Variants in RAPGEF6 observed in about 807,000 individuals in gnomAD.
The protein encoded by RAPGEF6 is Rap guanine nucleotide exchange factor 6, also known as PDZ domain containing guanine nucleotide exchange factor (GEF) 2.
A neutral mutation model predicts 171.4 loss-of-function variants in RAPGEF6; 56 were observed. The observed-to-expected ratio is 0.33, with a 90% confidence interval of 0.26 to 0.41. The LOEUF (loss-of-function observed/expected upper bound fraction) is 0.41. RAPGEF6 is among the 10% of genes least tolerant of loss of function. The pLI is 1.00. For synonymous variants in RAPGEF6, 692 were observed against 650.1 expected (o/e 1.06, Z -0.98); for missense variants, 1,674 against 1,921.4 (o/e 0.87, Z 2.41).
At chr5:131,456,142 A>G (rs988097681) in intron 19 of RAPGEF6, 130 bp from the exon 20 acceptor site, 1 of 627,678 alleles carries the variant, frequency 1.6e-6, no homozygotes, top group Non-Finnish European at 2.7e-6. Flanking sequence ...ATTGAAATAA[A>G]CAAGAGAAAA....
At chr5:131,515,950 G>C (rs1285754738) in intron 7 of RAPGEF6, among the ~76,000 whole-genome samples, 1 of 150,710 alleles carries the variant, frequency 6.6e-6, no homozygotes, top group Non-Finnish European at 1.5e-5. Flanking sequence ...TTAAATACAA[G>C]AGTAATTAAA....
intron 3 of RAPGEF6, among the ~76,000 whole-genome samples, chr5:131,602,671 G>C (rs1561598298): frequency 6.6e-6 from 1 of 152,136 alleles, no homozygotes; most frequent in Non-Finnish European, 1.5e-5. Flanking sequence ...TGAGGCACCA[G>C]AATCACTTGA....
chr5:131,554,530 C>CT (rs936020236), intron 5 of RAPGEF6, among the ~76,000 whole-genome samples: 1 of 152,050 alleles, frequency 6.6e-6, no homozygotes, highest in African/African-American at 2.4e-5. Context: ...AATAGGTTTT[C>CT]TTTTTTTGAG....
chr5:131,598,717 G>A (rs1764051052), intron 3 of RAPGEF6, among the ~76,000 whole-genome samples: 1 of 152,200 alleles, frequency 6.6e-6, no homozygotes, highest in South Asian at 2.1e-4. Flanking sequence ...ACACTGCTGT[G>A]AAGAATTAAA....
chr5:131,427,104 A>T lies in RAPGEF6; in HGVS notation c.*162T>A. 1.4e-6 allele frequency: 1 copy of T among 710,300 alleles called. No homozygotes were observed. 44.0% of individuals were successfully genotyped at this position (710,300 alleles called of 1,614,324 possible). A position where few individuals can be genotyped will look rare whatever the true frequency, so the allele number is the denominator to read the frequency against. ...TATCTGCAGAAATTAAATGAAAGGAAGCATAACTCAGGTCTATTTCATTGC... is the reference window on the plus strand; with the variant it reads ...TATCTGCAGAAATTAAATGAAAGGATGCATAACTCAGGTCTATTTCATTGC... On this transcript the variant is annotated 3_prime_UTR_variant, in exon 28 of 28. Coordinates refer to ENST00000509018, the MANE Select transcript of RAPGEF6 (RefSeq NM_016340.6).
chr5:131,634,813 G>A lies in RAPGEF6; in HGVS notation c.69+149C>T, dbSNP rs1322995328. 7 of 931,690 alleles carry A rather than the reference G, an allele frequency of 7.5e-6. No individual in the cohort carries two copies. The Admixed American group carries it at 1.4e-4, about 19-fold the overall frequency. The allele number at this position is 931,690 out of a possible 1,614,324, so 57.7% of individuals were successfully genotyped here. On this transcript the variant is annotated intron_variant, in intron 1 of 27. Coordinates refer to ENST00000509018, the MANE Select transcript of RAPGEF6 (RefSeq NM_016340.6). ...CGGTCGGCACCCTGCTGGCGACAAG[G>A]GCCTGGGTCAGGGAAGAGACTCAAG...
intron 11 of RAPGEF6, among the ~76,000 whole-genome samples, chr5:131,500,427 G>A (rs1326698660): frequency 1.3e-5 from 2 of 152,134 alleles, no homozygotes; most frequent in African/African-American, 4.8e-5. Context: ...GATGGGAACT[G>A]TTCAACATGT....
intron 17 of RAPGEF6, among the ~76,000 whole-genome samples, chr5:131,469,363 A>G (rs568434845): frequency 6.6e-6 from 1 of 152,242 alleles, no homozygotes; most frequent in East Asian, 1.9e-4. Flanking sequence ...TTAAAAACTA[A>G]TAATAAAAAA....
chr5:131,623,468 T>C (rs1765711492), intron 1 of RAPGEF6, among the ~76,000 whole-genome samples: 2 of 150,752 alleles, frequency 1.3e-5, no homozygotes. Flanking sequence ...AACAGTATTT[T>C]TCACATTGCT....
intron 7 of RAPGEF6, among the ~76,000 whole-genome samples, chr5:131,516,408 A>G (rs1758088164): frequency 2.0e-5 from 3 of 152,176 alleles, no homozygotes; most frequent in Admixed American, 2.0e-4. Flanking sequence ...TGAGTTGACA[A>G]AAGAACATAC....
intron 26 of RAPGEF6, 129 bp from the exon 27 acceptor site, chr5:131,429,345 T>C (rs1314396041): frequency 2.2e-5 from 18 of 800,886 alleles, no homozygotes; most frequent in Non-Finnish European, 3.1e-5. Context: ...ACTTGAATGA[T>C]GGCAGATCAA....
intron 24 of RAPGEF6, among the ~76,000 whole-genome samples, chr5:131,437,823 A>G (rs1752109938): frequency 6.6e-6 from 1 of 152,244 alleles, no homozygotes; most frequent in African/African-American, 2.4e-5. Flanking sequence ...GTGGCCGCAG[A>G]GAAAGAAAAG....
intron 27 of RAPGEF6, among the ~76,000 whole-genome samples, chr5:131,427,772 T>C (rs1489456813): frequency 3.9e-5 from 6 of 152,304 alleles, no homozygotes; most frequent in South Asian, 4.1e-4. Context: ...CACAGGGTAC[T>C]AGGCACACAG....
Position 131,603,308 on chromosome 5 carries a change from G to A in RAPGEF6, c.160C>T (p.Arg54Cys), listed in dbSNP as rs745717258. The A allele has an allele frequency of 1.3e-6, 2 of 1,571,684 alleles. No individual in the cohort carries two copies. The highest frequency in any genetic ancestry group is 2.5e-5 in the South Asian group (2 of 80,738). ...TGATTGCCACTGTATCTCTCATAGC[G>A]TGCTCTTGCAGACATTAATCTATTA... ...HQLRLMSARA[R>C]YERYSGNQVL... Residue 54 changes from arginine (R) to cysteine (C), a missense_variant, in exon 3 of 28, where the codon CGC becomes TGC. Arg to Cys is a radical substitution (Grantham distance 180). This residue lies in a region of RAPGEF6 where 1,116 missense variants were observed against 1,321.5 expected (regional missense o/e 0.84). Coordinates refer to ENST00000509018, the MANE Select transcript of RAPGEF6 (RefSeq NM_016340.6).
At chr5:131,447,369 T>C (rs1481014500) in intron 21 of RAPGEF6, 1 of 152,280 alleles carries the variant, frequency 6.6e-6, no homozygotes, top group East Asian at 1.9e-4. Context: ...ATTTGGGTTC[T>C]AGAACTGAGG....
chr5:131,586,782 G>A (rs58816971), intron 4 of RAPGEF6, among the ~76,000 whole-genome samples: 4,032 of 152,316 alleles, frequency 0.026, 187 homozygotes, highest in African/African-American at 0.092. Flanking sequence ...TTAGAATGTG[G>A]AACAATGGGA....
At chr5:131,580,388 G>A (rs538811235) in intron 4 of RAPGEF6, among the ~76,000 whole-genome samples, 82 of 152,186 alleles carry the variant, frequency 5.4e-4, no homozygotes, top group African/African-American at 1.8e-3. Context: ...AGCGCTGAGC[G>A]CAGCCCCTGT....
intron 6 of RAPGEF6, among the ~76,000 whole-genome samples, chr5:131,525,607 G>A (rs748583848): frequency 6.6e-6 from 1 of 151,960 alleles, no homozygotes; most frequent in Non-Finnish European, 1.5e-5. Context: ...ATATTGATGA[G>A]GGTATGATAC....
At chr5:131,456,457 C>T (rs761416904) in intron 19 of RAPGEF6, among the ~76,000 whole-genome samples, 1 of 151,960 alleles carries the variant, frequency 6.6e-6, no homozygotes, top group Non-Finnish European at 1.5e-5. Context: ...TTTTTTCCTG[C>T]GATTTTGTTC....
Sources: gnomAD v4.1 joint callset for allele counts (sites outside exome capture counted in the v4.1 genomes callset) on GRCh38, gnomAD v4.1.1 for gene constraint, gnomAD v4.1.1 regional missense constraint, MANE v1.5 for transcripts, NCBI Gene and HGNC (gene_info 2026-07-23, HGNC 2026-07-21) for gene names.